The following EXOC4 variants were observed in gnomAD, a reference collection of about 807,000 sequenced individuals.
EXOC4 encodes the protein exocyst complex component 4, also known as SEC8-like 1.
A neutral mutation model predicts 107.2 loss-of-function variants in EXOC4; 71 were observed. The observed-to-expected ratio is 0.66, with a 90% CI of 0.55 to 0.81. The LOEUF (loss-of-function observed/expected upper bound fraction) is 0.81. EXOC4 is among the 30% of genes least tolerant of loss of function. The pLI is 0.00. For missense variants in EXOC4, 1,108 were observed against 1,189.6 expected, an observed-to-expected ratio of 0.93 and a Z score of 1.01; for synonymous variants, 456 against 441.2, an observed-to-expected ratio of 1.03 and a Z score of -0.42.
intron 9 of EXOC4, among the ~76,000 whole-genome samples, chr7:133,617,768 A>G (rs921423401): frequency 3.3e-5 from 5 of 152,182 alleles, no homozygotes; most frequent in African/African-American, 4.8e-5. Flanking sequence ...AAATCCCTAA[A>G]GAATTCTTAA....
chr7:134,025,961 C>G (rs1283621772), intron 17 of EXOC4, among the ~76,000 whole-genome samples: 1 of 152,168 alleles, frequency 6.6e-6, no homozygotes, highest in Non-Finnish European at 1.5e-5. Flanking sequence ...TTAGTCACCA[C>G]TATACTTAAA....
chr7:133,576,351 T>G, intron 9 of EXOC4: 2 of 636,650 alleles, frequency 3.1e-6, no homozygotes, highest in South Asian at 1.9e-5. Context: ...AGATCACACC[T>G]TAAGAAAAGT....
intron 13 of EXOC4, among the ~76,000 whole-genome samples, chr7:133,936,183 C>T (rs969560567): frequency 2.0e-5 from 3 of 152,210 alleles, no homozygotes; most frequent in African/African-American, 4.8e-5. Context: ...GGTGCACACC[C>T]ACATTCCATG....
intron 13 of EXOC4, among the ~76,000 whole-genome samples, chr7:133,933,157 G>T (rs1325828557): frequency 6.6e-6 from 1 of 151,470 alleles, no homozygotes; most frequent in Non-Finnish European, 1.5e-5. Context: ...ATGAATTCTT[G>T]TCAGATAGAC....
At chr7:133,422,174 G>C (rs1189591189) in intron 7 of EXOC4, among the ~76,000 whole-genome samples, 3 of 152,196 alleles carry the variant, frequency 2.0e-5, no homozygotes, top group African/African-American at 7.2e-5. Context: ...AACATTGCAA[G>C]TAGGCTGGGC....
In EXOC4 at chr7:133,817,399, T is replaced by C; in HGVS notation, c.1589T>C (p.Val530Ala). Residue 530 changes from valine (V) to alanine (A), a missense_variant, in exon 11 of 18, where the codon GTG (valine) becomes GCG (alanine). Transcript: ENST00000253861. ...KQCPLREFLTVYIKNIFLNQV... is the reference protein window; with the variant it reads ...KQCPLREFLTAYIKNIFLNQV... Reference sequence around the variant, plus strand: ...TGTCCTCTTCGAGAGTTTCTCACCGTGTACATCAAAAACATCTTTCTCAAT... The same window carrying C: ...TGTCCTCTTCGAGAGTTTCTCACCGCGTACATCAAAAACATCTTTCTCAAT... 6.2e-7 allele frequency: 1 copy of C among 1,614,126 alleles called. No individual in the cohort carries two copies. Among genetic ancestry groups the C allele is most frequent in the Non-Finnish European group, 8.5e-7 (1 of 1,179,984 alleles).
intron 5 of EXOC4, among the ~76,000 whole-genome samples, chr7:133,327,069 A>C (rs1335498771): frequency 6.6e-6 from 1 of 152,132 alleles, no homozygotes; most frequent in Admixed American, 6.5e-5. Flanking sequence ...GCGCAGTATT[A>C]GGGTGGGAGT....
At chr7:133,336,190 T>C (rs577259219) in intron 5 of EXOC4, among the ~76,000 whole-genome samples, 287 of 152,320 alleles carry the variant, frequency 1.9e-3, no homozygotes, top group Non-Finnish European at 3.4e-3. Flanking sequence ...AAGTTTTGAA[T>C]TTTCGTGTAG....
chr7:133,807,592 A>G (rs1421739323), intron 10 of EXOC4, among the ~76,000 whole-genome samples: 1 of 151,400 alleles, frequency 6.6e-6, no homozygotes. Flanking sequence ...TTATCTTCTG[A>G]AAAAAAAATA....
At chr7:133,756,336 G>C (rs1291768651) in intron 10 of EXOC4, among the ~76,000 whole-genome samples, 1 of 152,076 alleles carries the variant, frequency 6.6e-6, no homozygotes, top group Non-Finnish European at 1.5e-5. Context: ...TTTTAATTTT[G>C]ATAATGTTAC....
At position 133,641,934 on chromosome 7, in the gene EXOC4, G is replaced by C. The variant is rs147206567; in HGVS notation, c.1514+11793G>C. ...TTGAAGCTTTTAAGAAAATTGATAC[G>C]AGGATTTCACTGAAGATTAAAAAGA... On this transcript the variant is annotated intron_variant, in intron 10 of 17. Transcript: ENST00000253861. 2.6e-4 allele frequency among the ~76,000 whole-genome samples: 39 copies of C among 152,250 alleles called. No homozygotes were observed. In the East Asian group the frequency reaches 6.2e-3, roughly 24 times the overall value.
At chr7:133,311,310 G>A (rs2150574345) in intron 4 of EXOC4, among the ~76,000 whole-genome samples, 1 of 152,214 alleles carries the variant, frequency 6.6e-6, no homozygotes, top group African/African-American at 2.4e-5. Context: ...GTACAGACAT[G>A]CAAAAATAAA....
At chr7:133,410,607 G>T (rs114696754) in intron 7 of EXOC4, among the ~76,000 whole-genome samples, 1 of 152,116 alleles carries the variant, frequency 6.6e-6, no homozygotes, top group Non-Finnish European at 1.5e-5. Context: ...GTGTGTTGGG[G>T]TGGGGGCATA....
intron 9 of EXOC4, among the ~76,000 whole-genome samples, chr7:133,620,681 T>C (rs1802308491): frequency 6.6e-6 from 1 of 152,200 alleles, no homozygotes; most frequent in Non-Finnish European, 1.5e-5. Context: ...GAAAACATTA[T>C]GCTTAGTGAA....
chr7:133,695,773 A>G (rs1191019293), intron 10 of EXOC4, among the ~76,000 whole-genome samples: 1 of 152,184 alleles, frequency 6.6e-6, no homozygotes, highest in Non-Finnish European at 1.5e-5. Context: ...TTGTCTCAGC[A>G]ATTTACAAAT....
chr7:133,253,544 A>G (rs1794942931), intron 1 of EXOC4: 8 of 1,004,454 alleles, frequency 8.0e-6, no homozygotes, highest in Non-Finnish European at 8.3e-6. Context: ...CTGTAGCAGC[A>G]CTCACTGAGA....
At chr7:133,601,965 A>G (rs994334134) in intron 9 of EXOC4, 2 of 152,262 alleles carry the variant, frequency 1.3e-5, no homozygotes, top group African/African-American at 4.8e-5. Flanking sequence ...AGGCAATCCA[A>G]TCCAGATCCT....
At chr7:133,501,459 A>G (rs993226337) in intron 9 of EXOC4, among the ~76,000 whole-genome samples, 3 of 152,204 alleles carry the variant, frequency 2.0e-5, no homozygotes, top group African/African-American at 7.2e-5. Flanking sequence ...TCTGATGACA[A>G]AAACGAATCT....
At chr7:133,504,729 A>G (rs1207597318) in intron 9 of EXOC4, among the ~76,000 whole-genome samples, 3 of 152,072 alleles carry the variant, frequency 2.0e-5, no homozygotes, top group Non-Finnish European at 4.4e-5. Flanking sequence ...CTGAATAGAT[A>G]TTTATTAAAT....
Sources: allele counts gnomAD v4.1 joint callset (sites outside exome capture counted in the v4.1 genomes callset), GRCh38; gene constraint gnomAD v4.1.1; transcripts MANE v1.5; gene names NCBI Gene and HGNC (gene_info 2026-07-23, HGNC 2026-07-21).